The following CDK14 variants were observed in gnomAD, a reference collection of about 807,000 sequenced individuals.
The protein encoded by CDK14 is cyclin-dependent kinase 14.
In CDK14, 34 loss-of-function variants were observed where a neutral mutation model predicts 60.7. The ratio of observed to expected loss-of-function variants is 0.56; its 90% CI spans 0.43 to 0.75. The LOEUF (loss-of-function observed/expected upper bound fraction) is 0.75. Among genes scored for constraint, CDK14 ranks in the 30% least tolerant of loss-of-function variants. The pLI is 0.00. For missense variants in CDK14, 482 were observed against 564.1 expected, an observed-to-expected ratio of 0.85 and a Z score of 1.47; for synonymous variants, 197 against 203.7, an observed-to-expected ratio of 0.97 and a Z score of 0.28.
At chr7:91,010,685 A>G (rs946708078) in intron 10 of CDK14, among the ~76,000 whole-genome samples, 4 of 151,566 alleles carry the variant, frequency 2.6e-5, no homozygotes, top group African/African-American at 7.3e-5. Context: ...TCTGTGCATA[A>G]AGGTAGTTTT....
chr7:90,871,779 A>G (rs1791379995), intron 6 of CDK14, among the ~76,000 whole-genome samples: 3 of 152,178 alleles, frequency 2.0e-5, no homozygotes, highest in African/African-American at 7.2e-5. Context: ...TTTGCAGATG[A>G]GGAAATTTAG....
intron 1 of CDK14, among the ~76,000 whole-genome samples, chr7:90,598,546 A>C (rs1281025603): frequency 6.6e-6 from 1 of 152,152 alleles, no homozygotes; most frequent in Non-Finnish European, 1.5e-5. Context: ...ATTATGGAGT[A>C]TTGTAATAGG....
At chr7:90,663,019 T>G (rs892138354) in intron 2 of CDK14, among the ~76,000 whole-genome samples, 1 of 152,072 alleles carries the variant, frequency 6.6e-6, no homozygotes, top group Admixed American at 6.6e-5. Context: ...CACACAAGTA[T>G]TTTTTGTTGT....
intron 4 of CDK14, among the ~76,000 whole-genome samples, chr7:90,781,546 TG>T (rs1805320919): frequency 6.7e-6 from 1 of 148,646 alleles, no homozygotes; most frequent in African/African-American, 2.5e-5. Flanking sequence ...TTTTATGGTT[TG>T]AGGTCTAACA....
In CDK14 at chr7:90,878,072, C is replaced by CTGTGTGTGTG. The variant is rs142735469; in HGVS notation, c.639+14816_639+14825dup. ...TAGATGCATTGGACACATTGTGTGG[C>CTGTGTGTGTG]TGTGTGTGTGTGTGTGTGTGTGAGA... is the stretch of plus-strand genomic sequence containing the variant. On this transcript the variant is annotated intron_variant, in intron 6 of 14. Transcript: ENST00000380050. 3.4e-3 allele frequency among the ~76,000 whole-genome samples: 501 copies of CTGTGTGTGTG among 147,764 alleles called. 5 individuals carry two copies. Among genetic ancestry groups the CTGTGTGTGTG allele is most frequent in the South Asian group, 9.1e-3 (42 of 4,596 alleles).
At chr7:90,807,291 G>A (rs1788889819) in intron 5 of CDK14, among the ~76,000 whole-genome samples, 1 of 152,210 alleles carries the variant, frequency 6.6e-6, no homozygotes, top group Non-Finnish European at 1.5e-5. Context: ...TGATCAGGCA[G>A]CAACATTTGC....
intron 11 of CDK14, among the ~76,000 whole-genome samples, chr7:91,056,564 C>G (rs1265284384): frequency 6.6e-6 from 1 of 151,722 alleles, no homozygotes; most frequent in Non-Finnish European, 1.5e-5. Flanking sequence ...CCGCCTCCCC[C>G]CACCCCACAA....
intron 2 of CDK14, among the ~76,000 whole-genome samples, chr7:90,714,297 A>G (rs897810432): frequency 3.3e-5 from 5 of 152,028 alleles, no homozygotes; most frequent in African/African-American, 4.8e-5. Context: ...TAAAAATACA[A>G]AGTTGACAGT....
At chr7:90,858,451 C>A (rs1164372948) in intron 5 of CDK14, among the ~76,000 whole-genome samples, 2 of 152,128 alleles carry the variant, frequency 1.3e-5, no homozygotes, top group Non-Finnish European at 2.9e-5. Flanking sequence ...AGCTTTAATA[C>A]CTTTATGGAG....
At chr7:91,162,308 C>T (rs57074692) in intron 14 of CDK14, among the ~76,000 whole-genome samples, 5,174 of 152,168 alleles carry the variant, frequency 0.034, 156 homozygotes, top group South Asian at 0.083. Context: ...TTTTGTGTTT[C>T]TCTGCTATGT....
At chr7:91,059,390 G>T (rs1022802055) in intron 11 of CDK14, among the ~76,000 whole-genome samples, 15 of 151,916 alleles carry the variant, frequency 9.9e-5, no homozygotes, top group African/African-American at 3.6e-4. Context: ...AGGGTTTTTT[G>T]TGTCTCTATT....
intron 8 of CDK14, among the ~76,000 whole-genome samples, chr7:90,918,397 C>A (rs1793147054): frequency 6.6e-6 from 1 of 152,210 alleles, no homozygotes; most frequent in Non-Finnish European, 1.5e-5. Context: ...TTGAGATTGT[C>A]TTCTTCCAGC....
chr7:90,806,224 A>G (rs1788828531), intron 5 of CDK14, among the ~76,000 whole-genome samples: 2 of 152,180 alleles, frequency 1.3e-5, no homozygotes, highest in African/African-American at 4.8e-5. Context: ...CTTGGATTAC[A>G]CAAATATTTC....
At chr7:90,961,619 A>C (rs945876520) in intron 9 of CDK14, among the ~76,000 whole-genome samples, 2 of 152,262 alleles carry the variant, frequency 1.3e-5, no homozygotes, top group African/African-American at 4.8e-5. Context: ...CATATGAATT[A>C]GTTACTGTCA....
At chr7:90,680,166 A>C (rs561196632) in intron 2 of CDK14, among the ~76,000 whole-genome samples, 24 of 152,136 alleles carry the variant, frequency 1.6e-4, no homozygotes, top group Non-Finnish European at 2.9e-4. Context: ...GTCTGCAGTA[A>C]GATAGGAGTG....
Position 90,821,391 on chromosome 7 carries a change from C to T in CDK14, c.544+30739C>T, listed in dbSNP as rs183806786. Among the ~76,000 whole-genome samples, 30 of 152,302 alleles carry T rather than the reference C, an allele frequency of 2.0e-4. No individual in the cohort carries two copies. The East Asian group carries it at 2.3e-3, about 12-fold the overall frequency. ...AGGCCGAGGGCCAGGCCATTATGCCCGACCATGCTCTCCTGAGTGACCTTT... is the reference window on the plus strand; with the variant it reads ...AGGCCGAGGGCCAGGCCATTATGCCTGACCATGCTCTCCTGAGTGACCTTT... On this transcript the variant is annotated intron_variant, in intron 5 of 14. Coordinates refer to ENST00000380050, the MANE Select transcript of CDK14 (RefSeq NM_001287135.2).
At chr7:90,753,101 C>CA (rs1307414422) in intron 4 of CDK14, among the ~76,000 whole-genome samples, 5 of 152,020 alleles carry the variant, frequency 3.3e-5, no homozygotes, top group Non-Finnish European at 5.9e-5. Context: ...GAAACTATTG[C>CA]AAAAAATTGA....
chr7:91,060,661 C>CT (rs1797753549), intron 11 of CDK14, among the ~76,000 whole-genome samples: 1 of 152,142 alleles, frequency 6.6e-6, no homozygotes, highest in African/African-American at 2.4e-5. Context: ...ACTTATGAAA[C>CT]TTAGTTTGGC....
intron 2 of CDK14, among the ~76,000 whole-genome samples, chr7:90,661,069 A>G (rs1157314568): frequency 3.3e-5 from 5 of 152,216 alleles, no homozygotes; most frequent in African/African-American, 1.2e-4. Flanking sequence ...TGGAACAGAC[A>G]TTCGTCATAT....
Sources: allele counts gnomAD v4.1 joint callset (sites outside exome capture counted in the v4.1 genomes callset), GRCh38; gene constraint gnomAD v4.1.1; transcripts MANE v1.5; gene names NCBI Gene and HGNC (gene_info 2026-07-23, HGNC 2026-07-21).